ASTN2: variants seen among roughly 807,000 people sequenced by gnomAD.
ASTN2 encodes the protein astrotactin 2, also known as astrotactin-2.
A neutral mutation model predicts 139.8 loss-of-function variants in ASTN2; 54 were observed. The observed-to-expected ratio is 0.39, with a 90% CI of 0.31 to 0.48. The LOEUF (loss-of-function observed/expected upper bound fraction) is 0.48. ASTN2 is among the 20% of genes least tolerant of loss of function. The pLI, the probability that ASTN2 is intolerant of heterozygous loss-of-function variation, is 0.95. For synonymous variants in ASTN2, 756 were observed against 719.5 expected, an observed-to-expected ratio of 1.05 and a Z score of -0.81; for missense variants, 1,565 against 1,725.1, an observed-to-expected ratio of 0.91 and a Z score of 1.64.
chr9:117,218,469 T>G (rs1832406149), intron 2 of ASTN2, among the ~76,000 whole-genome samples: 1 of 152,196 alleles, frequency 6.6e-6, no homozygotes, highest in African/African-American at 2.4e-5. Flanking sequence ...ATCGTGCCAC[T>G]GACTACTGAA....
intron 17 of ASTN2, among the ~76,000 whole-genome samples, chr9:116,628,343 T>C (rs1856565452): frequency 6.6e-6 from 1 of 152,230 alleles, no homozygotes; most frequent in Non-Finnish European, 1.5e-5. Flanking sequence ...GTGACCTCAG[T>C]AAGTCTCTTC....
intron 19 of ASTN2, among the ~76,000 whole-genome samples, chr9:116,564,755 T>A (rs1470572509): frequency 6.6e-6 from 1 of 151,942 alleles, no homozygotes; most frequent in African/African-American, 2.4e-5. Context: ...CATATAGTCA[T>A]ATATAGATCT....
At chr9:116,872,954 A>T (rs1833204733) in intron 10 of ASTN2, among the ~76,000 whole-genome samples, 1 of 152,136 alleles carries the variant, frequency 6.6e-6, no homozygotes, top group Admixed American at 6.5e-5. Context: ...GTGATTCTGG[A>T]CTTTACCCTG....
intron 17 of ASTN2, among the ~76,000 whole-genome samples, chr9:116,623,215 T>G (rs1856265957): frequency 6.8e-6 from 1 of 148,112 alleles, no homozygotes; most frequent in Non-Finnish European, 1.5e-5. Context: ...TTGGTTTTTG[T>G]AATAAATAGG....
chr9:117,138,204 A>T (rs1829996450), intron 4 of ASTN2, among the ~76,000 whole-genome samples: 1 of 152,194 alleles, frequency 6.6e-6, no homozygotes, highest in African/African-American at 2.4e-5. Flanking sequence ...GGAAGAAGTT[A>T]AAAAAGGAGG....
chr9:117,063,615 A>G (rs1839360984), intron 5 of ASTN2, among the ~76,000 whole-genome samples: 1 of 152,214 alleles, frequency 6.6e-6, no homozygotes, highest in Non-Finnish European at 1.5e-5. Flanking sequence ...TATCTTTATC[A>G]GCAGTGTGAA....
chr9:116,976,448 T>A (rs1162351922), intron 8 of ASTN2, among the ~76,000 whole-genome samples: 1 of 152,258 alleles, frequency 6.6e-6, no homozygotes, highest in African/African-American at 2.4e-5. Flanking sequence ...AAGTGTTCAT[T>A]GATTACTTTG....
chr9:116,507,279 C>T (rs990894239), intron 19 of ASTN2, among the ~76,000 whole-genome samples: 1 of 152,174 alleles, frequency 6.6e-6, no homozygotes, highest in African/African-American at 2.4e-5. Flanking sequence ...GAAATATTGT[C>T]ACCTGACATC....
chr9:116,943,035 G>A (rs1174869878), intron 10 of ASTN2, among the ~76,000 whole-genome samples: 1 of 152,172 alleles, frequency 6.6e-6, no homozygotes, highest in Admixed American at 6.5e-5. Context: ...AAGTTATTAC[G>A]TGTTTGAGTT....
intron 19 of ASTN2, among the ~76,000 whole-genome samples, chr9:116,537,526 C>G (rs1851693983): frequency 6.6e-6 from 1 of 152,074 alleles, no homozygotes; most frequent in African/African-American, 2.4e-5. Flanking sequence ...GGTAGGAACC[C>G]TGGGAACTGT....
chr9:116,770,297 T>G lies in ASTN2; in HGVS notation c.2396+35335A>C, dbSNP rs529637557. On this transcript the variant is annotated intron_variant, in intron 13 of 22. Coordinates refer to ENST00000313400, the MANE Select transcript of ASTN2 (RefSeq NM_001365068.1). Reference sequence around the variant, plus strand: ...CCAAGGTTGTAGGAAAGATAGTTGATTTTTTTTATTCAGATCTAGGGGTCT... The same window carrying G: ...CCAAGGTTGTAGGAAAGATAGTTGAGTTTTTTTATTCAGATCTAGGGGTCT... 2.3e-3 allele frequency among the ~76,000 whole-genome samples: 344 copies of G among 152,110 alleles called. 2 individuals carry two copies. The highest frequency in any genetic ancestry group is 5.6e-3 in the African/African-American group (232 of 41,502).
intron 21 of ASTN2, among the ~76,000 whole-genome samples, 179 bp downstream of exon 21, chr9:116,442,274 T>C (rs1236690017): frequency 6.6e-6 from 1 of 152,202 alleles, no homozygotes; most frequent in African/African-American, 2.4e-5. Context: ...ATTTTTCCCT[T>C]CATGACTTTG....
chr9:117,143,565 A>G (rs997787685), intron 3 of ASTN2, among the ~76,000 whole-genome samples: 12 of 152,238 alleles, frequency 7.9e-5, no homozygotes, highest in Admixed American at 7.9e-4. Context: ...AATTTACAGA[A>G]AAAAACATTA....
Position 117,126,387 on chromosome 9 carries a change from AACTT to A in ASTN2, c.1168+14935_1168+14938del, listed in dbSNP as rs1829689980. On this transcript the variant is annotated intron_variant, in intron 4 of 22. Coordinates refer to ENST00000313400, the MANE Select transcript of ASTN2 (RefSeq NM_001365068.1). ...AGCTCCTGGCTGTGCAAGTTTGGGC[AACTT>A]ACTTCATGTCTCTGAACATCCATTT... 3.3e-5 allele frequency among the ~76,000 whole-genome samples: 5 copies of A among 152,344 alleles called. No homozygotes were observed. In the South Asian group the frequency reaches 1.0e-3, roughly 32 times the overall value.
intron 1 of ASTN2, among the ~76,000 whole-genome samples, chr9:117,371,971 A>G (rs1830002614): frequency 6.6e-6 from 1 of 152,142 alleles, no homozygotes. Flanking sequence ...GCATTTCAGG[A>G]GCATTCACCC....
chr9:116,927,248 G>A (rs1483217074), intron 10 of ASTN2, among the ~76,000 whole-genome samples: 2 of 152,102 alleles, frequency 1.3e-5, no homozygotes, highest in African/African-American at 4.8e-5. Context: ...TCTCCCTAGG[G>A]TGCATGGCTT....
intron 4 of ASTN2, among the ~76,000 whole-genome samples, chr9:117,121,738 T>C (rs1473737941): frequency 6.6e-6 from 1 of 152,234 alleles, no homozygotes; most frequent in Non-Finnish European, 1.5e-5. Context: ...CTCATTGTTC[T>C]GCTGGCTATA....
At chr9:117,003,339 T>A (rs1300802520) in intron 7 of ASTN2, among the ~76,000 whole-genome samples, 1 of 152,022 alleles carries the variant, frequency 6.6e-6, no homozygotes, top group Non-Finnish European at 1.5e-5. Flanking sequence ...CAGGCTTAAC[T>A]CCAGACCTGC....
intron 13 of ASTN2, among the ~76,000 whole-genome samples, chr9:116,772,014 T>C (rs1251507256): frequency 6.6e-6 from 1 of 152,226 alleles, no homozygotes; most frequent in East Asian, 1.9e-4. Flanking sequence ...TCCATCCTGA[T>C]TGCCTGGCAG....
Sources: allele counts gnomAD v4.1 joint callset (sites outside exome capture counted in the v4.1 genomes callset), GRCh38; gene constraint gnomAD v4.1.1; transcripts MANE v1.5; gene names NCBI Gene and HGNC (gene_info 2026-07-23, HGNC 2026-07-21).